The following ASTN2 variants were observed in gnomAD, a reference collection of about 807,000 sequenced individuals.
The protein encoded by ASTN2 is astrotactin 2.
A neutral mutation model predicts 139.8 loss-of-function variants in ASTN2; 54 were observed. The ratio of observed to expected loss-of-function variants is 0.39; its 90% CI spans 0.31 to 0.48. ASTN2 has a LOEUF of 0.48. Among genes scored for constraint, ASTN2 ranks in the 20% least tolerant of loss-of-function variants. The pLI is 0.95. For missense variants in ASTN2, 1,565 were observed against 1,725.1 expected, an observed-to-expected ratio of 0.91 and a Z score of 1.64; for synonymous variants, 756 against 719.5, an observed-to-expected ratio of 1.05 and a Z score of -0.81.
At chr9:117,117,535 C>A (rs1264355341) in intron 4 of ASTN2, among the ~76,000 whole-genome samples, 1 of 152,084 alleles carries the variant, frequency 6.6e-6, no homozygotes, top group Non-Finnish European at 1.5e-5. Flanking sequence ...GGCTTTTTCT[C>A]TCCCTGAGCT....
chr9:117,380,686 G>T (rs947658216), intron 1 of ASTN2, among the ~76,000 whole-genome samples: 1 of 152,090 alleles, frequency 6.6e-6, no homozygotes, highest in Admixed American at 6.5e-5. Context: ...TATGATGTGG[G>T]TCTAAAGGAT....
At chr9:116,834,706 A>G (rs1483960550) in intron 11 of ASTN2, among the ~76,000 whole-genome samples, 1 of 152,222 alleles carries the variant, frequency 6.6e-6, no homozygotes, top group Admixed American at 6.5e-5. Flanking sequence ...TAATTAGGTC[A>G]TGCTTTTAAA....
At chr9:116,773,228 C>T (rs1450502371) in intron 13 of ASTN2, among the ~76,000 whole-genome samples, 1 of 152,204 alleles carries the variant, frequency 6.6e-6, no homozygotes, top group Non-Finnish European at 1.5e-5. Context: ...TTAGCACATG[C>T]TTGATTCTCA....
chr9:117,219,090 T>A (rs905638253), intron 2 of ASTN2, among the ~76,000 whole-genome samples: 5 of 152,074 alleles, frequency 3.3e-5, no homozygotes, highest in Admixed American at 6.5e-5. Context: ...GCAAAGGAGC[T>A]CAAGAGAACC....
intron 6 of ASTN2, among the ~76,000 whole-genome samples, chr9:117,030,605 C>A (rs1348455615): frequency 6.6e-6 from 1 of 152,132 alleles, no homozygotes; most frequent in Non-Finnish European, 1.5e-5. Flanking sequence ...TGAACATGTT[C>A]AGCTGCTTAG....
intron 19 of ASTN2, among the ~76,000 whole-genome samples, chr9:116,527,419 A>G (rs1851142356): frequency 6.6e-6 from 1 of 152,240 alleles, no homozygotes; most frequent in African/African-American, 2.4e-5. Context: ...CAGGTATATG[A>G]AAAAATGCTC....
intron 16 of ASTN2, among the ~76,000 whole-genome samples, chr9:116,723,726 C>T (rs1158724917): frequency 6.6e-6 from 1 of 152,194 alleles, no homozygotes; most frequent in African/African-American, 2.4e-5. Flanking sequence ...ATTTGATCTA[C>T]CATCTAGGTG....
chr9:116,915,904 TG>T (rs1227464158), intron 10 of ASTN2, among the ~76,000 whole-genome samples: 7 of 152,292 alleles, frequency 4.6e-5, no homozygotes, highest in Admixed American at 3.9e-4. Context: ...TGGCTTGCAG[TG>T]GGGTTATGGG....
chr9:116,939,678 T>TG (rs1386319923), intron 10 of ASTN2, among the ~76,000 whole-genome samples: 1 of 152,146 alleles, frequency 6.6e-6, no homozygotes, highest in Non-Finnish European at 1.5e-5. Context: ...AAACCTACTA[T>TG]GTACAGGCCT....
chr9:116,609,324 C>CTATATATATATA (rs368559373), intron 19 of ASTN2, among the ~76,000 whole-genome samples: 14 of 111,462 alleles, frequency 1.3e-4, no homozygotes, highest in African/African-American at 4.5e-4. Flanking sequence ...CTCTCTCTCT[C>CTATATATATATA]TCTCTATATA....
At chr9:116,682,825 A>G (rs111994862) in intron 16 of ASTN2, among the ~76,000 whole-genome samples, 9,008 of 152,012 alleles carry the variant, frequency 0.059, 876 homozygotes, top group African/African-American at 0.21. Context: ...GAATTGAACA[A>G]TGAGAACACA....
chr9:117,202,085 AT>A lies in ASTN2; in HGVS notation c.1015+12272del, dbSNP rs1831742588. Among the ~76,000 whole-genome samples the A allele has an allele frequency of 2.0e-5, 3 of 152,178 alleles. No individual in the cohort carries two copies. The South Asian group carries it at 6.2e-4, about 32-fold the overall frequency. ...TTCTTGTTGAATTCTTCCTGTTACC[AT>A]TATGTAATGCCCTTCCTTGTCTTTT... On this transcript the variant is annotated intron_variant, in intron 3 of 22. Coordinates refer to ENST00000313400, the MANE Select transcript of ASTN2 (RefSeq NM_001365068.1).
In ASTN2 at chr9:117,317,239, T is replaced by C. The variant is rs1828172364; in HGVS notation, c.443-25726A>G. Among the ~76,000 whole-genome samples, 3 of 152,124 alleles carry C rather than the reference T, an allele frequency of 2.0e-5. No homozygotes were observed. The South Asian group carries it at 6.2e-4, about 31-fold the overall frequency. ...CTTTTATGTTGAATAGCTTTGCACT[T>C]CCTGAAGGTATTTCAGAGCCTCAGG... On this transcript the variant is annotated intron_variant, in intron 1 of 22. Transcript: ENST00000313400.
chr9:117,169,680 G>T (rs983304613), intron 3 of ASTN2, among the ~76,000 whole-genome samples: 1 of 151,248 alleles, frequency 6.6e-6, no homozygotes. Flanking sequence ...TCATGTTAAC[G>T]AACATTCTGT....
chr9:116,757,422 C>T (rs1829561980), intron 13 of ASTN2, among the ~76,000 whole-genome samples: 1 of 152,060 alleles, frequency 6.6e-6, no homozygotes, highest in South Asian at 2.1e-4. Context: ...ACAGAACATG[C>T]CCATGGCTCA....
chr9:117,275,763 G>A (rs928245689), intron 2 of ASTN2, among the ~76,000 whole-genome samples: 4 of 151,798 alleles, frequency 2.6e-5, no homozygotes, highest in East Asian at 1.9e-4. Context: ...ACAGGGTTTC[G>A]CCATGTTGAC....
At chr9:116,935,434 A>T (rs1286683879) in intron 10 of ASTN2, among the ~76,000 whole-genome samples, 1 of 152,366 alleles carries the variant, frequency 6.6e-6, no homozygotes, top group South Asian at 2.1e-4. Flanking sequence ...AAAGTAAGCT[A>T]TGAACCTAGT....
intron 12 of ASTN2, among the ~76,000 whole-genome samples, chr9:116,819,470 C>T (rs1230860456): frequency 2.0e-5 from 3 of 152,162 alleles, no homozygotes; most frequent in Middle Eastern, 3.2e-3. Flanking sequence ...CTAAGTGCAA[C>T]TAGGGCAGGA....
At chr9:116,672,290 A>G (rs1472949610) in intron 16 of ASTN2, among the ~76,000 whole-genome samples, 1 of 151,848 alleles carries the variant, frequency 6.6e-6, no homozygotes, top group Non-Finnish European at 1.5e-5. Context: ...CACTTGAGCC[A>G]GGGAGGTCAA....
Sources: allele counts gnomAD v4.1 joint callset (sites outside exome capture counted in the v4.1 genomes callset), GRCh38; gene constraint gnomAD v4.1.1; transcripts MANE v1.5; gene names NCBI Gene and HGNC (gene_info 2026-07-23, HGNC 2026-07-21).